The following CYP2J2 variants were observed in gnomAD, a reference collection of about 807,000 sequenced individuals.
CYP2J2 encodes the protein cytochrome P450 family 2 subfamily J member 2.
In CYP2J2, 41 loss-of-function variants were observed where a neutral mutation model predicts 48.8. The observed-to-expected ratio is 0.84, with a 90% CI of 0.66 to 1.09. The LOEUF (loss-of-function observed/expected upper bound fraction) is 1.09, where lower values mean the gene tolerates loss of function less well. CYP2J2 is among the 50% of genes least tolerant of loss of function. The pLI is 0.00. For missense variants in CYP2J2, 644 were observed against 617.3 expected (o/e 1.04, Z -0.46); for synonymous variants, 221 against 227.1 (o/e 0.97, Z 0.24).
chr1:59,963,872 C>G, the CYP2J2 span, among the ~76,000 whole-genome samples: 1 of 152,222 alleles, frequency 6.6e-6, no homozygotes, highest in Admixed American at 6.5e-5. Context: ...TTTAACAAAA[C>G]AGTTCACATG....
At chr1:59,910,910 C>T (rs1028010308) in intron 4 of CYP2J2, among the ~76,000 whole-genome samples, 1 of 152,122 alleles carries the variant, frequency 6.6e-6, no homozygotes, top group African/African-American at 2.4e-5. Context: ...GTTTGAACTC[C>T]AAACGGCTAC....
chr1:59,964,813 G>A, the CYP2J2 span, among the ~76,000 whole-genome samples: 1 of 152,208 alleles, frequency 6.6e-6, no homozygotes, highest in Non-Finnish European at 1.5e-5. Context: ...CCAATGGAGA[G>A]TTTTGAGCAG....
At chr1:59,932,785 C>G in the CYP2J2 span, among the ~76,000 whole-genome samples, 1 of 151,502 alleles carries the variant, frequency 6.6e-6, no homozygotes, top group African/African-American at 2.4e-5. Flanking sequence ...ACTGCAGCCT[C>G]TGCCTTCCAG....
the CYP2J2 span, among the ~76,000 whole-genome samples, chr1:59,935,048 A>G: frequency 2.6e-5 from 3 of 115,618 alleles, no homozygotes; most frequent in South Asian, 2.6e-4. Flanking sequence ...ATATATATAT[A>G]TATACACAAC....
chr1:59,946,757 A>C, the CYP2J2 span, among the ~76,000 whole-genome samples: 7 of 152,316 alleles, frequency 4.6e-5, no homozygotes, highest in East Asian at 1.3e-3. Flanking sequence ...AAAATGTTAG[A>C]GTTTACACAT....
intron 2 of CYP2J2, among the ~76,000 whole-genome samples, chr1:59,914,753 G>A (rs1426963470): frequency 6.6e-6 from 1 of 152,224 alleles, no homozygotes; most frequent in Non-Finnish European, 1.5e-5. Flanking sequence ...CTCATGGGAT[G>A]AGAAAGACCT....
chr1:59,938,006 C>G, the CYP2J2 span, among the ~76,000 whole-genome samples: 51 of 152,244 alleles, frequency 3.3e-4, no homozygotes, highest in African/African-American at 1.2e-3. Context: ...TGAGTTTCCT[C>G]AAAATAACTA....
the CYP2J2 span, among the ~76,000 whole-genome samples, chr1:59,941,532 T>C: frequency 6.6e-6 from 1 of 152,160 alleles, no homozygotes; most frequent in Admixed American, 6.5e-5. Context: ...CTTCCACTTA[T>C]TGAAAAAAAG....
At chr1:59,946,975 CTAATT>C in the CYP2J2 span, among the ~76,000 whole-genome samples, 7,551 of 150,958 alleles carry the variant, frequency 0.05, 447 homozygotes, top group African/African-American at 0.14. Flanking sequence ...AAAAAAAAAA[CTAATT>C]TAATTTGAGG....
the CYP2J2 span, among the ~76,000 whole-genome samples, chr1:59,935,030 A>ATATATATATATATATACG: frequency 9.0e-6 from 1 of 110,624 alleles, no homozygotes; most frequent in East Asian, 2.4e-4. Context: ...ATATATATAT[A>ATATATATATATATATACG]TATATATATA....
At chr1:59,921,942 G>C (rs1574261605) in intron 1 of CYP2J2, among the ~76,000 whole-genome samples, 1 of 152,066 alleles carries the variant, frequency 6.6e-6, no homozygotes, top group East Asian at 1.9e-4. Context: ...ATCCCCATGT[G>C]ACCATCTCAC....
intron 5 of CYP2J2, among the ~76,000 whole-genome samples, chr1:59,908,279 A>C (rs1644382168): frequency 6.6e-6 from 1 of 152,210 alleles, no homozygotes; most frequent in African/African-American, 2.4e-5. Context: ...ACCTAGGGCA[A>C]GTCACTTAAC....
At chr1:59,963,041 C>A in the CYP2J2 span, among the ~76,000 whole-genome samples, 1 of 152,090 alleles carries the variant, frequency 6.6e-6, no homozygotes, top group East Asian at 1.9e-4. Flanking sequence ...TCATTTTCAC[C>A]AGAACATTTT....
chr1:59,911,478 T>G, intron 4 of CYP2J2, 130 bp downstream of exon 4: 1 of 593,156 alleles, frequency 1.7e-6, no homozygotes, highest in Non-Finnish European at 2.9e-6. Context: ...AATAAGTTTG[T>G]GTTGAAATTA....
At chr1:59,956,958 C>T in the CYP2J2 span, among the ~76,000 whole-genome samples, 1 of 152,024 alleles carries the variant, frequency 6.6e-6, no homozygotes, top group Non-Finnish European at 1.5e-5. Flanking sequence ...TAAAGTGACC[C>T]ATGTGGAGGG....
chr1:59,894,006 T>C (rs1644247799), intron 8 of CYP2J2, among the ~76,000 whole-genome samples, 177 bp from the exon 9 acceptor site: 1 of 152,052 alleles, frequency 6.6e-6, no homozygotes. Context: ...CATCAATGCA[T>C]AGAAAGCAGA....
At chr1:59,941,725 T>C in the CYP2J2 span, among the ~76,000 whole-genome samples, 1 of 152,104 alleles carries the variant, frequency 6.6e-6, no homozygotes, top group South Asian at 2.1e-4. Flanking sequence ...TGTGCTGGTG[T>C]CTTAGTTTTT....
At chr1:59,947,138 T>C in the CYP2J2 span, among the ~76,000 whole-genome samples, 4 of 151,836 alleles carry the variant, frequency 2.6e-5, no homozygotes, top group African/African-American at 4.8e-5. Context: ...CACTGTGCTA[T>C]GCTCCTCCTT....
the CYP2J2 span, among the ~76,000 whole-genome samples, chr1:59,939,478 T>A: frequency 1.3e-5 from 2 of 152,072 alleles, no homozygotes; most frequent in Admixed American, 6.6e-5. Context: ...GAGTTGGGGG[T>A]GGAGTGACAA....
Sources: allele counts gnomAD v4.1 joint callset (sites outside exome capture counted in the v4.1 genomes callset), GRCh38; gene constraint gnomAD v4.1.1; transcripts MANE v1.5; gene names NCBI Gene and HGNC (gene_info 2026-07-23, HGNC 2026-07-21).